LANCL3: variants seen among roughly 807,000 people sequenced by gnomAD.
LANCL3 encodes the protein LanC like family member 3, also known as lanC-like protein 3.
A neutral mutation model predicts 26.5 loss-of-function variants in LANCL3; 19 were observed. The observed-to-expected ratio is 0.72, with a 90% CI of 0.50 to 1.05. The LOEUF (loss-of-function observed/expected upper bound fraction) is 1.05, where lower values mean the gene tolerates loss of function less well. Among genes scored for constraint, LANCL3 ranks in the 50% least tolerant of loss-of-function variants. The probability of loss-of-function intolerance (pLI) is 0.00; values close to 1 mark genes in which losing one functional copy is unlikely to be tolerated. For synonymous variants in LANCL3, 160 were observed against 166.6 expected, an observed-to-expected ratio of 0.96 and a Z score of 0.30; for missense variants, 318 against 362.7, an observed-to-expected ratio of 0.88 and a Z score of 1.00.
intron 4 of LANCL3, 21 bp downstream of exon 4, chrX:37,667,510 C>CTTT (rs146169882): frequency 3.5e-5 from 29 of 831,663 alleles, no homozygotes; most frequent in African/African-American, 2.4e-4. Flanking sequence ...CTTTATGGGT[C>CTTT]TTTTTTTTTT....
At position 37,571,812 on chromosome X, in the gene LANCL3, G is replaced by A. The variant is rs782015117; in HGVS notation, c.-59G>A. 1.1e-4 allele frequency: 119 copies of A among 1,037,327 alleles called. No individual in the cohort carries two copies. In the Admixed American group the frequency reaches 1.2e-3, roughly 10 times the overall value. The allele number at this position is 1,037,327 out of a possible 1,213,427, so 85.5% of individuals were successfully genotyped here. On this transcript the variant is annotated 5_prime_UTR_variant, in exon 1 of 5. Transcript: ENST00000378619. ...CAGAGAGCCGGAGGTGGTGTGCGGGGCTGCAGGGCACGACTTCAAGCGGTC... is the reference window on the plus strand; with the variant it reads ...CAGAGAGCCGGAGGTGGTGTGCGGGACTGCAGGGCACGACTTCAAGCGGTC...
At chrX:37,620,943 T>A (rs1480165148) in intron 1 of LANCL3, among the ~76,000 whole-genome samples, 1 of 111,380 alleles carries the variant, frequency 9.0e-6, no homozygotes, top group Non-Finnish European at 1.9e-5. Context: ...GCATGCATGC[T>A]CCTCTCCTAG....
At chrX:37,628,354 A>G (rs1556423434) in intron 1 of LANCL3, among the ~76,000 whole-genome samples, 1 of 111,370 alleles carries the variant, frequency 9.0e-6, no homozygotes, top group African/African-American at 3.3e-5. Context: ...AAAATTTGTC[A>G]AGAAAGAGAA....
At chrX:37,585,423 G>A (rs1335822653) in intron 1 of LANCL3, among the ~76,000 whole-genome samples, 2 of 111,404 alleles carry the variant, frequency 1.8e-5, no homozygotes, top group Non-Finnish European at 3.8e-5. Context: ...ATTATTGTGT[G>A]GGAGTCTAAG....
chrX:37,629,929 C>T (rs1214053755), intron 1 of LANCL3, among the ~76,000 whole-genome samples: 6 of 108,535 alleles, frequency 5.5e-5, no homozygotes, highest in African/African-American at 1.7e-4. Context: ...CTTGGCGATG[C>T]GGGCTCTTTT....
chrX:37,613,373 G>A (rs941340886), intron 1 of LANCL3, among the ~76,000 whole-genome samples: 2 of 111,159 alleles, frequency 1.8e-5, no homozygotes, highest in Non-Finnish European at 3.8e-5. Flanking sequence ...AGTTATAATA[G>A]TAGCAAATAA....
intron 1 of LANCL3, among the ~76,000 whole-genome samples, chrX:37,609,888 A>G (rs1556420928): frequency 8.9e-6 from 1 of 111,788 alleles, no homozygotes; most frequent in Non-Finnish European, 1.9e-5. Context: ...TGGAAAATAT[A>G]CTGTGACTTT....
chrX:37,647,310 TCAAAAAAACAAAAAAA>T (rs199668482), intron 1 of LANCL3, among the ~76,000 whole-genome samples: 1 of 107,850 alleles, frequency 9.3e-6, no homozygotes, highest in African/African-American at 3.5e-5. Context: ...CAAGACTTCA[TCAAAAAAACAAAAAAA>T]CAAAAAAACA....
chrX:37,587,174 T>C (rs1924117176), intron 1 of LANCL3, among the ~76,000 whole-genome samples: 1 of 112,410 alleles, frequency 8.9e-6, no homozygotes, highest in Admixed American at 9.3e-5. Context: ...CTCAGAGGGG[T>C]ACCCGGCTGT....
At chrX:37,669,272 T>C (rs1371651693) in intron 4 of LANCL3, among the ~76,000 whole-genome samples, 1 of 111,530 alleles carries the variant, frequency 9.0e-6, no homozygotes, top group Non-Finnish European at 1.9e-5. Context: ...TATGGCTCAC[T>C]GTAGCCTGCA....
At chrX:37,589,150 TG>T (rs1347118747) in intron 1 of LANCL3, among the ~76,000 whole-genome samples, 3 of 111,544 alleles carry the variant, frequency 2.7e-5, no homozygotes, top group Admixed American at 9.4e-5. Flanking sequence ...CTTTTTAAAA[TG>T]TTTTTTTTTT....
intron 1 of LANCL3, among the ~76,000 whole-genome samples, chrX:37,575,790 C>T (rs1923729862): frequency 9.0e-6 from 1 of 111,641 alleles, no homozygotes; most frequent in Admixed American, 9.5e-5. Context: ...TTATACCTGC[C>T]ACCTCTATTA....
chrX:37,671,072 T>G (rs1926674114), intron 4 of LANCL3, among the ~76,000 whole-genome samples: 1 of 111,584 alleles, frequency 9.0e-6, no homozygotes, highest in Non-Finnish European at 1.9e-5. Context: ...AGATTGTATC[T>G]TATAAGTATT....
At position 37,572,390 on chromosome X, in the gene LANCL3, C is replaced by G; in HGVS notation, c.520C>G (p.Arg174Gly). Residue 174 changes from arginine to glycine, a missense_variant, in exon 1 of 5, where the codon CGC (arginine) becomes GGC (glycine). Physicochemically the swap from Arg to Gly is moderately radical, Grantham distance 125. Transcript: ENST00000378619. ...CGGCTCCGACGAGCTGTTCGTGGGC[C>G]GCGCGGGTTACCTGTGTGCCGCGCT... ...ECGSDELFVG[R>G]AGYLCAALVL... The G allele has an allele frequency of 5.1e-6, 6 of 1,176,077 alleles. No individual in the cohort carries two copies. Among genetic ancestry groups the G allele is most frequent in the Non-Finnish European group, 6.8e-6 (6 of 877,561 alleles).
intron 1 of LANCL3, among the ~76,000 whole-genome samples, chrX:37,626,761 A>G (rs1391012920): frequency 8.9e-6 from 1 of 111,860 alleles, no homozygotes; most frequent in Non-Finnish European, 1.9e-5. Context: ...TTCTGCTGCC[A>G]TGTCCCAAAT....
chrX:37,616,815 C>G (rs187827806), intron 1 of LANCL3, among the ~76,000 whole-genome samples: 26 of 111,626 alleles, frequency 2.3e-4, no homozygotes, highest in African/African-American at 8.5e-4. Flanking sequence ...CCTGGGCCAG[C>G]ACATCAGTAT....
intron 1 of LANCL3, among the ~76,000 whole-genome samples, chrX:37,652,794 C>G (rs1926188074): frequency 9.0e-6 from 1 of 111,574 alleles, no homozygotes; most frequent in Non-Finnish European, 1.9e-5. Flanking sequence ...TGCTTGTGCT[C>G]CTGTGTACTA....
At chrX:37,606,909 C>T (rs1304576736) in intron 1 of LANCL3, among the ~76,000 whole-genome samples, 1 of 112,560 alleles carries the variant, frequency 8.9e-6, no homozygotes, top group Non-Finnish European at 1.9e-5. Flanking sequence ...TGCTTAGATG[C>T]AACATGTTCA....
chrX:37,626,466 A>G (rs1232762282), intron 1 of LANCL3, among the ~76,000 whole-genome samples: 3 of 112,193 alleles, frequency 2.7e-5, no homozygotes, highest in African/African-American at 9.7e-5. Flanking sequence ...TCACTAAGCA[A>G]GTATTGAGCA....
Sources: gnomAD v4.1 joint callset for allele counts (sites outside exome capture counted in the v4.1 genomes callset) on GRCh38, gnomAD v4.1.1 for gene constraint, MANE v1.5 for transcripts, NCBI Gene and HGNC (gene_info 2026-07-23, HGNC 2026-07-21) for gene names.